The following TACC2 variants were observed in gnomAD, a reference collection of about 807,000 sequenced individuals.
TACC2 encodes the protein transforming acidic coiled-coil-containing protein 2.
In TACC2, 137 loss-of-function variants were observed where a neutral mutation model predicts 227.3. The ratio of observed to expected loss-of-function variants is 0.60; its 90% confidence interval spans 0.52 to 0.69. TACC2 has a LOEUF of 0.69. Ranked by LOEUF, TACC2 falls within the 30% of genes least tolerant of loss-of-function variation. TACC2 has a pLI of 0.00. For missense variants in TACC2, 3,470 were observed against 3,694.4 expected (o/e 0.94, Z 1.57); for synonymous variants, 1,523 against 1,487.5 (o/e 1.02, Z -0.55).
At chr10:122,176,058 C>G (rs1301890277) in intron 7 of TACC2, among the ~76,000 whole-genome samples, 1 of 142,886 alleles carries the variant, frequency 7.0e-6, no homozygotes, top group African/African-American at 2.5e-5. Flanking sequence ...CTAACCTGAA[C>G]AACAGAGCAA....
intron 22 of TACC2, among the ~76,000 whole-genome samples, chr10:122,253,737 CAGAA>C (rs2096292062): frequency 6.6e-6 from 1 of 152,218 alleles, no homozygotes. Context: ...ATTTACTTCT[CAGAA>C]AGAAACATGT....
intron 11 of TACC2, among the ~76,000 whole-genome samples, chr10:122,220,509 T>C (rs907850689): frequency 2.6e-5 from 4 of 152,086 alleles, no homozygotes; most frequent in Admixed American, 2.0e-4. Flanking sequence ...CCCCCCAGCA[T>C]CTGGACGTGG....
intron 2 of TACC2, among the ~76,000 whole-genome samples, chr10:122,030,717 T>G (rs1958834552): frequency 6.6e-6 from 1 of 151,108 alleles, no homozygotes; most frequent in South Asian, 2.1e-4. Context: ...GGGTCATGTC[T>G]GGCTGAGGTT....
chr10:122,039,466 G>A (rs1047926134), intron 2 of TACC2, among the ~76,000 whole-genome samples: 8 of 152,198 alleles, frequency 5.3e-5, no homozygotes, highest in Admixed American at 2.0e-4. Flanking sequence ...AGAAAAAGGC[G>A]TGGGAATTGG....
Position 122,088,486 on chromosome 10 carries a change from C to T in TACC2, c.5468C>T (p.Pro1823Leu), listed in dbSNP as rs1309108496. Residue 1823 changes from proline (P) to leucine (L), a missense_variant, in exon 5 of 23, where the codon CCC becomes CTC. Physicochemically the swap from Pro to Leu is moderately conservative, Grantham distance 98 (BLOSUM62 -3). This residue lies in a region of TACC2 where 1,924 missense variants were observed against 1,978.3 expected (regional missense o/e 0.97). Transcript: ENST00000369005. ...TTCTTTTATTATCCCAGAGAGAGCCCCAGGCCTGGCCCATCCATGTTACCT... is the reference window on the plus strand; with the variant it reads ...TTCTTTTATTATCCCAGAGAGAGCCTCAGGCCTGGCCCATCCATGTTACCT... ...PEELHTDRES[P>L]RPGPSMLPSV... is the part of the protein sequence containing the mutation. 2 of 1,612,396 alleles carry T rather than the reference C, an allele frequency of 1.2e-6. No homozygotes were observed. The highest frequency in any genetic ancestry group is 1.7e-6 in the Non-Finnish European group (2 of 1,179,258).
At chr10:122,119,111 C>G (rs1409607875) in intron 5 of TACC2, among the ~76,000 whole-genome samples, 4 of 152,162 alleles carry the variant, frequency 2.6e-5, no homozygotes. Flanking sequence ...ACGACTGTAT[C>G]CATTAAACAA....
At position 122,097,054 on chromosome 10, in the gene TACC2, G is replaced by A. The variant is rs145927180; in HGVS notation, c.5573+8463G>A. Among the ~76,000 whole-genome samples, 600 of 152,294 alleles carry A rather than the reference G, an allele frequency of 3.9e-3. 2 individuals are homozygous for A. The highest frequency in any genetic ancestry group is 0.01 in the Middle Eastern group (3 of 292). ...AAAAACTTGCCTGGTTGCTGGGCAC[G>A]GTGGCTCATGCCTATAATCTCAGCA... On this transcript the variant is annotated intron_variant, in intron 5 of 22. Coordinates refer to ENST00000369005, the MANE Select transcript of TACC2 (RefSeq NM_206862.4).
At position 122,083,720 on chromosome 10, in the gene TACC2, C is replaced by T. The variant is rs944683633; in HGVS notation, c.1220C>T (p.Pro407Leu). The T allele has an allele frequency of 3.7e-5, 59 of 1,613,782 alleles. No homozygotes were observed. Among genetic ancestry groups the T allele is most frequent in the Non-Finnish European group, 5.0e-5 (59 of 1,180,044 alleles). Residue 407 changes from proline to leucine, a missense_variant, in exon 4 of 23, where the codon CCT (proline) becomes CTT (leucine). Coordinates refer to ENST00000369005, the MANE Select transcript of TACC2 (RefSeq NM_206862.4). ...GGGGGTTTGCCTGTGAGCCCTGAAC[C>T]TTCCCTGCTCACTCCGACTGAGGAA... ...PEGGLPVSPE[P>L]SLLTPTEEAH...
chr10:122,246,087 C>T (rs2096111873), intron 19 of TACC2, among the ~76,000 whole-genome samples: 2 of 152,148 alleles, frequency 1.3e-5, no homozygotes, highest in Non-Finnish European at 1.5e-5. Flanking sequence ...TCTTCAGGGC[C>T]AGTGGTTCTC....
chr10:122,216,670 C>G lies in TACC2; in HGVS notation c.7388C>G (p.Ser2463Cys). The change falls in exon 11 of 23, where the codon TCT (serine) becomes TGT (cysteine). Residue 2463 changes from serine (S) to cysteine (C), a missense_variant. Transcript: ENST00000369005. Reference protein sequence around the residue: ...AATPETPPVISAVVHATDEEK... With the variant: ...AATPETPPVICAVVHATDEEK... Reference sequence around the variant, plus strand: ...ACACCAGAAACACCACCAGTGATCTCTGCGGTGGTCCACGCCACAGATGAG... The same window carrying G: ...ACACCAGAAACACCACCAGTGATCTGTGCGGTGGTCCACGCCACAGATGAG... 6.2e-7 allele frequency: 1 copy of G among 1,614,134 alleles called. No homozygotes were observed.
In TACC2 at chr10:122,084,770, C is replaced by T. The variant is rs201466757; in HGVS notation, c.2270C>T (p.Thr757Met). ...MGSCDGEGLL[T>M]SPDQPRGPAC... The stretch of plus-strand genomic sequence containing the variant: ...AGCTGTGATGGGGAGGGCTTGCTGA[C>T]GTCCCCAGATCAACCCCGCGGGCCG... The change falls in exon 4 of 23, where the codon ACG (threonine) becomes ATG (methionine). Residue 757 changes from threonine to methionine, a missense_variant. Physicochemically the swap from Thr to Met is moderately conservative, Grantham distance 81 (BLOSUM62 -1). Transcript: ENST00000369005. 2.3e-5 allele frequency: 37 copies of T among 1,613,468 alleles called. No homozygotes were observed. The South Asian group carries it at 2.3e-4, about 10-fold the overall frequency.
At chr10:122,140,300 C>T (rs1168717718) in intron 6 of TACC2, among the ~76,000 whole-genome samples, 1 of 152,234 alleles carries the variant, frequency 6.6e-6, no homozygotes, top group East Asian at 1.9e-4. Flanking sequence ...TCATGGCTGT[C>T]TGCTGAAAGC....
chr10:122,009,856 G>A (rs903688692), intron 1 of TACC2, among the ~76,000 whole-genome samples: 2 of 152,124 alleles, frequency 1.3e-5, no homozygotes, highest in Non-Finnish European at 1.5e-5. Flanking sequence ...AACCTAGGAG[G>A]CGGAGGTTGC....
At chr10:122,130,952 C>T (rs1381710525) in intron 5 of TACC2, among the ~76,000 whole-genome samples, 2 of 152,110 alleles carry the variant, frequency 1.3e-5, no homozygotes, top group Non-Finnish European at 2.9e-5. Flanking sequence ...AGTTTGTGTT[C>T]TCATGACCAT....
intron 14 of TACC2, among the ~76,000 whole-genome samples, chr10:122,228,949 G>C (rs1460486308): frequency 6.6e-6 from 1 of 152,030 alleles, no homozygotes; most frequent in Admixed American, 6.6e-5. Context: ...TTTAGAAAAT[G>C]ACCTTTACCA....
intron 5 of TACC2, among the ~76,000 whole-genome samples, chr10:122,105,787 AT>A (rs532524943): frequency 8.8e-5 from 13 of 148,566 alleles, no homozygotes; most frequent in Admixed American, 7.4e-4. Flanking sequence ...CACCTGGCTA[AT>A]TTTTTTTTAT....
At position 122,150,467 on chromosome 10, in the gene TACC2, G is replaced by T. The variant is rs965485906; in HGVS notation, c.5834+6761G>T. ...CAGGGACGGCCCTCGGCTTCCACTT[G>T]ATGGTTTTAGGTGCTTGCCCTGCGG... On this transcript the variant is annotated intron_variant, in intron 7 of 22. Coordinates refer to ENST00000369005, the MANE Select transcript of TACC2 (RefSeq NM_206862.4). This position sits in a 1 kb window ranked among gnomAD's most constrained non-coding sequence, Gnocchi z 4.0. Among the ~76,000 whole-genome samples, 5 of 152,316 alleles carry T rather than the reference G, an allele frequency of 3.3e-5. No individual in the cohort carries two copies. The highest frequency in any genetic ancestry group is 6.5e-5 in the Admixed American group (1 of 15,296).
At chr10:121,994,039 T>C (rs1953161776) in intron 1 of TACC2, among the ~76,000 whole-genome samples, 1 of 152,188 alleles carries the variant, frequency 6.6e-6, no homozygotes, top group African/African-American at 2.4e-5. Flanking sequence ...TGACGGTATA[T>C]AAAGAGCTCC....
intron 12 of TACC2, among the ~76,000 whole-genome samples, chr10:122,225,332 A>G (rs1239884586): frequency 6.6e-6 from 1 of 152,228 alleles, no homozygotes; most frequent in East Asian, 1.9e-4. Context: ...TTACAGCACT[A>G]CGTGGCCCTG....
Sources: allele counts gnomAD v4.1 joint callset (sites outside exome capture counted in the v4.1 genomes callset), GRCh38; gene constraint gnomAD v4.1.1; regional missense constraint gnomAD v4.1.1; non-coding constraint Gnocchi (gnomAD v3.1); transcripts MANE v1.5; gene names NCBI Gene and HGNC (gene_info 2026-07-23, HGNC 2026-07-21).